The following ZBED3 variants were observed in gnomAD, a reference collection of about 807,000 sequenced individuals.
The protein encoded by ZBED3 is zinc finger BED-type containing 3, also known as zinc finger BED domain-containing protein 3.
For synonymous variants in ZBED3, 175 were observed against 180.0 expected (o/e 0.97, Z 0.22); for missense variants, 388 against 362.9 (o/e 1.07, Z -0.56).
rs1194557425 is a variant in ZBED3 at position 77,077,076 on chromosome 5, G to C, written c.*98C>G. 2.2e-6 allele frequency: 2 copies of C among 907,322 alleles called. No individual in the cohort carries two copies. The highest frequency in any genetic ancestry group is 2.9e-6 in the Non-Finnish European group (2 of 683,548). The allele number at this position is 907,322 out of a possible 1,614,324, so 56.2% of individuals were successfully genotyped here. ...GAGCTTCCGAGTGAGTAGCGGCTGCGGGCCTGGCTTCGGTTACGGCTTCGG... is the reference window on the plus strand; with the variant it reads ...GAGCTTCCGAGTGAGTAGCGGCTGCCGGCCTGGCTTCGGTTACGGCTTCGG... On this transcript the variant is annotated 3_prime_UTR_variant, in exon 3 of 3. Transcript: ENST00000255198.
intron 1 of ZBED3, among the ~76,000 whole-genome samples, chr5:77,079,635 A>G (rs77949234): frequency 0.018 from 2,765 of 152,360 alleles, 56 homozygotes; most frequent in Non-Finnish European, 0.024. Flanking sequence ...TAACAAAGAA[A>G]TGGCTATTTA....
intron 1 of ZBED3, among the ~76,000 whole-genome samples, chr5:77,079,779 G>A (rs1449765599): frequency 2.0e-5 from 3 of 152,184 alleles, no homozygotes; most frequent in Non-Finnish European, 4.4e-5. Context: ...AGTCTCAAAA[G>A]TGGGGGAAAG....
At position 77,075,938 on chromosome 5, in the gene ZBED3, TATATAC is replaced by T. The variant is rs1234790453; in HGVS notation, c.*1230_*1235del. 1.6e-3 allele frequency: 21 copies of T among 13,016 alleles called. 5 individuals carry two copies. The highest frequency in any genetic ancestry group is 3.8e-3 in the African/African-American group (12 of 3,176). 0.8% of individuals were successfully genotyped at this position (13,016 alleles called of 1,614,324 possible). On this transcript the variant is annotated 3_prime_UTR_variant, in exon 3 of 3. Coordinates refer to ENST00000255198, the MANE Select transcript of ZBED3 (RefSeq NM_032367.4). ...ATGCACCCTAGAACTTAAAGTATTA[TATATAC>T]ATATATATATATATATATATATGTA...
Position 77,075,980 on chromosome 5 carries a change from T to C in ZBED3, c.*1194A>G, listed in dbSNP as rs1360034400. On this transcript the variant is annotated 3_prime_UTR_variant, in exon 3 of 3. Coordinates refer to ENST00000255198, the MANE Select transcript of ZBED3 (RefSeq NM_032367.4). ...ATATATATATATGTATATGTATATA[T>C]GTATATATATATGTATATATGTATA... 236 of 34,780 alleles carry C rather than the reference T, an allele frequency of 6.8e-3. 51 individuals carry two copies. Among genetic ancestry groups the C allele is most frequent in the Middle Eastern group, 0.011 (1 of 94 alleles). 2.2% of individuals were successfully genotyped at this position (34,780 alleles called of 1,614,324 possible).
rs1330364922 is a variant in ZBED3, at chr5:77,076,076, AAAAAG to A, written c.*1093_*1097del. ...ATATAATATATACACACATAAAGAA[AAAAAG>A]AAAAGAAAACTGACCCAGAGTGAGG... On this transcript the variant is annotated 3_prime_UTR_variant, in exon 3 of 3. Coordinates refer to ENST00000255198, the MANE Select transcript of ZBED3 (RefSeq NM_032367.4). 2.8e-5 allele frequency: 4 copies of A among 142,312 alleles called. No individual in the cohort carries two copies. The highest frequency in any genetic ancestry group is 7.1e-5 in the Admixed American group (1 of 14,088). The allele number at this position is 142,312 out of a possible 1,614,324, so 8.8% of individuals were successfully genotyped here.
Position 77,087,240 on chromosome 5 carries a change from A to C in ZBED3, c.-282T>G, listed in dbSNP as rs1743272948. The C allele has an allele frequency of 1.3e-5, 2 of 152,314 alleles. No individual in the cohort carries two copies. The highest frequency in any genetic ancestry group is 4.8e-5 in the African/African-American group (2 of 41,472). 9.4% of individuals were successfully genotyped at this position (152,314 alleles called of 1,614,324 possible). On this transcript the variant is annotated 5_prime_UTR_variant, in exon 1 of 3. Coordinates refer to ENST00000255198, the MANE Select transcript of ZBED3 (RefSeq NM_032367.4). ...CTCCGCGCGTGCCCCTTAAAGACAC[A>C]GCGCTGCATTCACACGTCTGCGGGG... is the stretch of plus-strand genomic sequence containing the variant.
Position 77,077,884 on chromosome 5 carries a change from G to T in ZBED3, c.-6C>A. On this transcript the variant is annotated 5_prime_UTR_variant, in exon 3 of 3. Coordinates refer to ENST00000255198, the MANE Select transcript of ZBED3 (RefSeq NM_032367.4). The stretch of plus-strand genomic sequence containing the variant: ...GCCGGCTCGCCACTCCTCATTCTGC[G>T]GCGCCCGCACGCTGGGGAGCAGGGG... The T allele has an allele frequency of 8.0e-7, 1 of 1,254,378 alleles. No homozygotes were observed. The highest frequency in any genetic ancestry group is 1.0e-6 in the Non-Finnish European group (1 of 1,001,982). 77.7% of individuals were successfully genotyped at this position (1,254,378 alleles called of 1,614,324 possible).
In ZBED3 at chr5:77,074,711, T is replaced by C. The variant is rs1027588231; in HGVS notation, c.*2463A>G. ...AGTTAGGAAGGAAACAGGTGTCAGC[T>C]GGGTCGACTGAAGGAAGCAGAGATC... is the stretch of plus-strand genomic sequence containing the variant. On this transcript the variant is annotated 3_prime_UTR_variant, in exon 3 of 3. Coordinates refer to ENST00000255198, the MANE Select transcript of ZBED3 (RefSeq NM_032367.4). 2 of 152,268 alleles carry C rather than the reference T, an allele frequency of 1.3e-5. No individual in the cohort carries two copies. Among genetic ancestry groups the C allele is most frequent in the African/African-American group, 2.4e-5 (1 of 41,446 alleles). The allele number at this position is 152,268 out of a possible 1,614,324, so 9.4% of individuals were successfully genotyped here. A position where few individuals can be genotyped will look rare whatever the true frequency, so the allele number is the denominator to read the frequency against.
At position 77,077,782 on chromosome 5, in the gene ZBED3, G is replaced by C. The variant is rs1351095754; in HGVS notation, c.97C>G (p.Pro33Ala). 30 of 1,316,000 alleles carry C rather than the reference G, an allele frequency of 2.3e-5. No homozygotes were observed. The highest frequency in any genetic ancestry group is 2.9e-5 in the Non-Finnish European group (30 of 1,036,848). The allele number at this position is 1,316,000 out of a possible 1,614,324, so 81.5% of individuals were successfully genotyped here. The change falls in exon 3 of 3, where the codon CCG (proline) becomes GCG (alanine). Residue 33 changes from proline to alanine, a missense_variant. Transcript: ENST00000255198. ...AGGCGGCCGGGAGGCGTCGGCGTCGGCGCCGGCCCCAGTCCCGGACACTGA... is the reference window on the plus strand; with the variant it reads ...AGGCGGCCGGGAGGCGTCGGCGTCGCCGCCGGCCCCAGTCCCGGACACTGA... The part of the protein sequence containing the change: ...GGQCPGLGPA[P>A]TPTPPGRLGA...
chr5:77,074,430 TAGC>T lies in ZBED3; in HGVS notation c.*2741_*2743del, dbSNP rs1293326473. ...GTGCAATGTTTTGTAGAAATAGACT[TAGC>T]AGAGCAGGCGCCCAGCATTCAGCGA... is the stretch of plus-strand genomic sequence containing the variant. On this transcript the variant is annotated 3_prime_UTR_variant, in exon 3 of 3. Transcript: ENST00000255198. 1 of 152,182 alleles carries T rather than the reference TAGC, an allele frequency of 6.6e-6. No individual in the cohort carries two copies. Among genetic ancestry groups the T allele is most frequent in the Non-Finnish European group, 1.5e-5 (1 of 68,088 alleles). The allele number at this position is 152,182 out of a possible 1,614,324, so 9.4% of individuals were successfully genotyped here.
At chr5:77,082,770 G>A (rs1743154775) in intron 1 of ZBED3, among the ~76,000 whole-genome samples, 1 of 152,210 alleles carries the variant, frequency 6.6e-6, no homozygotes, top group Non-Finnish European at 1.5e-5. Context: ...GCATGCATGT[G>A]ATCACGTGTA....
rs530122380 is a variant in ZBED3 at position 77,077,452 on chromosome 5, C to A, written c.427G>T (p.Gly143Cys). Residue 143 changes from glycine to cysteine, a missense_variant, in exon 3 of 3, where the codon GGC (glycine) becomes TGC (cysteine). Transcript: ENST00000255198. ...TCCAGCTCCCGCTCCCGCCGGCTGCCGCGCACGGCCAGCGCGCCCATCTGT... is the reference window on the plus strand; with the variant it reads ...TCCAGCTCCCGCTCCCGCCGGCTGCAGCGCACGGCCAGCGCGCCCATCTGT... ...LEQMGALAVR[G>C]SRRERELERR... The A allele has an allele frequency of 4.1e-6, 5 of 1,210,156 alleles. No homozygotes were observed. The highest frequency in any genetic ancestry group is 3.3e-4 in the Middle Eastern group (1 of 3,002). The allele number at this position is 1,210,156 out of a possible 1,614,324, so 75.0% of individuals were successfully genotyped here. A position where few individuals can be genotyped will look rare whatever the true frequency, so the allele number is the denominator to read the frequency against.
chr5:77,080,505 G>GACGA (rs1561298639), intron 1 of ZBED3: 1 of 518,808 alleles, frequency 1.9e-6, no homozygotes, highest in African/African-American at 1.9e-5. Context: ...GCAGCCCTTC[G>GACGA]ATTTTGGAGG....
Position 77,076,967 on chromosome 5 carries a change from T to G in ZBED3, c.*207A>C. The stretch of plus-strand genomic sequence containing the variant: ...CGCCCAGGCACCCCCGGTGACCCCA[T>G]GGAAGTGAGTTTTGGTTCTGCTCTG... On this transcript the variant is annotated 3_prime_UTR_variant, in exon 3 of 3. Transcript: ENST00000255198. 2.6e-6 allele frequency: 1 copy of G among 387,868 alleles called. No homozygotes were observed. Among genetic ancestry groups the G allele is most frequent in the Non-Finnish European group, 4.4e-6 (1 of 224,986 alleles). 24.0% of individuals were successfully genotyped at this position (387,868 alleles called of 1,614,324 possible).
chr5:77,075,935 T>TTATATATA lies in ZBED3; in HGVS notation c.*1231_*1238dup, dbSNP rs201611949. On this transcript the variant is annotated 3_prime_UTR_variant, in exon 3 of 3. Coordinates refer to ENST00000255198, the MANE Select transcript of ZBED3 (RefSeq NM_032367.4). ...GACATGCACCCTAGAACTTAAAGTA[T>TTATATATA]TATATATACATATATATATATATAT... 21 of 21,158 alleles carry TTATATATA rather than the reference T, an allele frequency of 9.9e-4. No homozygotes were observed. The highest frequency in any genetic ancestry group is 1.3e-3 in the African/African-American group (10 of 7,470). The allele number at this position is 21,158 out of a possible 1,614,324, so 1.3% of individuals were successfully genotyped here.
At chr5:77,084,328 C>A (rs72765127) in intron 1 of ZBED3, among the ~76,000 whole-genome samples, 2 of 152,158 alleles carry the variant, frequency 1.3e-5, no homozygotes, top group Admixed American at 6.5e-5. Flanking sequence ...AATTGAATCA[C>A]GAGCGCGGTT....
chr5:77,077,725 A>T lies in ZBED3; in HGVS notation c.154T>A (p.Phe52Ile). 7.4e-7 allele frequency: 1 copy of T among 1,351,934 alleles called. No individual in the cohort carries two copies. Among genetic ancestry groups the T allele is most frequent in the Non-Finnish European group, 9.5e-7 (1 of 1,056,682 alleles). The allele number at this position is 1,351,934 out of a possible 1,614,324, so 83.7% of individuals were successfully genotyped here. Residue 52 changes from phenylalanine (F) to isoleucine (I), a missense_variant, in exon 3 of 3, where the codon TTC (phenylalanine) becomes ATC (isoleucine). Phe to Ile is a conservative substitution (Grantham distance 21). Coordinates refer to ENST00000255198, the MANE Select transcript of ZBED3 (RefSeq NM_032367.4). ...CCGGGGCGCCCCGGCGCCAGGTGGA[A>T]GTAGCCCCAGGCCTCGGAGTATGGC... The part of the protein sequence containing the change: ...GAPYSEAWGY[F>I]HLAPGRPGHP...
At chr5:77,080,779 G>A (rs903705182) in intron 1 of ZBED3, among the ~76,000 whole-genome samples, 1 of 152,180 alleles carries the variant, frequency 6.6e-6, no homozygotes, top group Non-Finnish European at 1.5e-5. Context: ...TCACACACAG[G>A]GGCCTGTCGT....
chr5:77,080,606 TCA>T (rs1743109062), intron 1 of ZBED3: 1 of 518,978 alleles, frequency 1.9e-6, no homozygotes, highest in South Asian at 1.4e-5. Flanking sequence ...AATACAATCC[TCA>T]GTCTCAGTAT....
Sources: gnomAD v4.1 joint callset for allele counts (sites outside exome capture counted in the v4.1 genomes callset) on GRCh38, gnomAD v4.1.1 for gene constraint, MANE v1.5 for transcripts, NCBI Gene and HGNC (gene_info 2026-07-23, HGNC 2026-07-21) for gene names.